DTX4: variants seen among roughly 807,000 people sequenced by gnomAD.
DTX4 encodes the protein E3 ubiquitin-protein ligase DTX4.
Under a neutral mutation model 57.6 loss-of-function variants are expected in DTX4, and 28 were observed. The ratio of observed to expected loss-of-function variants is 0.49; its 90% CI spans 0.36 to 0.67. The LOEUF is 0.67. DTX4 is among the 30% of genes least tolerant of loss of function. The pLI is 0.00. For missense variants in DTX4, 715 were observed against 836.8 expected (o/e 0.85, Z 1.80); for synonymous variants, 316 against 331.0 (o/e 0.95, Z 0.49).
intron 1 of DTX4, among the ~76,000 whole-genome samples, chr11:59,180,205 G>A (rs1354683448): frequency 6.6e-6 from 1 of 152,092 alleles, no homozygotes; most frequent in Non-Finnish European, 1.5e-5. Flanking sequence ...TGGCCCCAAA[G>A]CCCATACTCT....
intron 8 of DTX4, among the ~76,000 whole-genome samples, chr11:59,204,076 T>G (rs1333391191): frequency 6.6e-6 from 1 of 152,230 alleles, no homozygotes; most frequent in Non-Finnish European, 1.5e-5. Context: ...TTAATTTAAC[T>G]GATTTAGAAC....
At chr11:59,196,739 C>T (rs1384065980) in intron 7 of DTX4, among the ~76,000 whole-genome samples, 4 of 152,052 alleles carry the variant, frequency 2.6e-5, no homozygotes, top group African/African-American at 9.7e-5. Flanking sequence ...GTCGTGCACT[C>T]CTTATGAGAA....
chr11:59,191,789 C>T (rs2135521358), intron 5 of DTX4, among the ~76,000 whole-genome samples: 1 of 152,298 alleles, frequency 6.6e-6, no homozygotes, highest in East Asian at 1.9e-4. Context: ...CCTCAGTGGG[C>T]TTGTTGACAG....
In DTX4 at chr11:59,182,044, T is replaced by C; in HGVS notation, c.517T>C (p.Ser173Pro). 1 of 1,613,098 alleles carries C rather than the reference T, an allele frequency of 6.2e-7. No homozygotes were observed. The highest frequency in any genetic ancestry group is 8.5e-7 in the Non-Finnish European group (1 of 1,179,378). ...MVTGTLPKAQ[S>P]WPVSPGPATS... is the part of the protein sequence containing the mutation. ...CACAGGGACCTTGCCTAAGGCTCAG[T>C]CCTGGCCAGTCAGCCCTGGGCCAGC... The change falls in exon 2 of 9, where the codon TCC (serine) becomes CCC (proline). Residue 173 changes from serine to proline, a missense_variant. Transcript: ENST00000227451.
At chr11:59,174,309 T>G (rs1862368085) in intron 1 of DTX4, among the ~76,000 whole-genome samples, 1 of 151,536 alleles carries the variant, frequency 6.6e-6, no homozygotes, top group Non-Finnish European at 1.5e-5. Flanking sequence ...AGAAAGAGGA[T>G]TAAGTGTGGC....
At chr11:59,199,476 G>A (rs1862714329) in intron 7 of DTX4, among the ~76,000 whole-genome samples, 1 of 152,196 alleles carries the variant, frequency 6.6e-6, no homozygotes, top group African/African-American at 2.4e-5. Flanking sequence ...AATGCAGTGG[G>A]AGGTAGCAGC....
At chr11:59,199,615 C>A (rs1276421171) in intron 7 of DTX4, 69 bp from the exon 8 acceptor site, 4 of 1,212,732 alleles carry the variant, frequency 3.3e-6, no homozygotes, top group Non-Finnish European at 4.7e-6. Flanking sequence ...AAATTAGTCA[C>A]AGCCTAACCC....
At chr11:59,190,436 G>T (rs184861778) in intron 4 of DTX4, among the ~76,000 whole-genome samples, 2 of 152,306 alleles carry the variant, frequency 1.3e-5, no homozygotes, top group Admixed American at 1.3e-4. Context: ...AATTAAGGGA[G>T]TGGCCCAAGG....
intron 2 of DTX4, among the ~76,000 whole-genome samples, chr11:59,186,849 C>T (rs1050224173): frequency 2.6e-5 from 4 of 152,210 alleles, no homozygotes; most frequent in Non-Finnish European, 5.9e-5. Flanking sequence ...ATTCAGCTTT[C>T]TCCTCCATCC....
chr11:59,181,672 G>C (rs1565216342), intron 1 of DTX4, 67 bp from the exon 2 acceptor site: 1 of 1,531,280 alleles, frequency 6.5e-7, no homozygotes, highest in Non-Finnish European at 8.8e-7. Flanking sequence ...GGCATGACTT[G>C]TTAATGTCTT....
At chr11:59,192,389 G>A in intron 6 of DTX4, 139 bp downstream of exon 6, 1 of 1,030,350 alleles carries the variant, frequency 9.7e-7, no homozygotes, top group Non-Finnish European at 1.5e-6. Context: ...TGATGATCTT[G>A]GCTGTTCTCA....
In DTX4 at chr11:59,182,177, C is replaced by T; in HGVS notation, c.650C>T (p.Thr217Ile). The T allele has an allele frequency of 3.1e-6, 5 of 1,612,710 alleles. No homozygotes were observed. The highest frequency in any genetic ancestry group is 4.2e-6 in the Non-Finnish European group (5 of 1,179,476). ...GSTGPLQLPV[T>I]RKNMPPPGVV... ...ACTGGGCCCCTACAGCTGCCAGTGA[C>T]CCGCAAGAACATGCCGCCTCCTGGA... Residue 217 changes from threonine to isoleucine, a missense_variant, in exon 2 of 9, where the codon ACC becomes ATC. Thr to Ile is a moderately conservative substitution (Grantham distance 89). Transcript: ENST00000227451.
chr11:59,177,788 C>A (rs1862413542), intron 1 of DTX4, among the ~76,000 whole-genome samples: 1 of 152,170 alleles, frequency 6.6e-6, no homozygotes, highest in Non-Finnish European at 1.5e-5. Flanking sequence ...TTATACGAGT[C>A]CATGCCATTT....
chr11:59,201,308 C>T (rs984918243), intron 8 of DTX4, among the ~76,000 whole-genome samples: 1 of 152,226 alleles, frequency 6.6e-6, no homozygotes, highest in African/African-American at 2.4e-5. Flanking sequence ...ATAGCAATTT[C>T]GTGAGGACAC....
At chr11:59,179,595 G>T (rs1193196070) in intron 1 of DTX4, among the ~76,000 whole-genome samples, 1 of 152,014 alleles carries the variant, frequency 6.6e-6, no homozygotes, top group Admixed American at 6.6e-5. Context: ...TCCCCTCTCT[G>T]CTGAAAGCTG....
In DTX4 at chr11:59,189,199, T is replaced by C; in HGVS notation, c.1035T>C (p.Pro345=). The C allele has an allele frequency of 6.2e-7, 1 of 1,613,768 alleles. No homozygotes were observed. The highest frequency in any genetic ancestry group is 8.5e-7 in the Non-Finnish European group (1 of 1,179,840). ...TGILMSAAGL[P]VCLTRPPKLV... is the part of the protein sequence containing the mutation. ...TCCTCATGAGTGCAGCGGGGCTGCC[T>C]GTGTGTCTCACCAGGCCACCAAAGC... Residue 345 remains proline, a synonymous_variant, in exon 4 of 9, where the codon CCT becomes CCC. Transcript: ENST00000227451.
intron 1 of DTX4, among the ~76,000 whole-genome samples, chr11:59,174,996 C>T (rs1020201860): frequency 6.6e-6 from 1 of 152,210 alleles, no homozygotes. Context: ...CCCAGAAAAG[C>T]TGGGTCTGTC....
At chr11:59,196,735 C>T (rs1862676745) in intron 7 of DTX4, among the ~76,000 whole-genome samples, 1 of 152,046 alleles carries the variant, frequency 6.6e-6, no homozygotes, top group African/African-American at 2.4e-5. Context: ...CTAGGTCGTG[C>T]ACTCCTTATG....
intron 1 of DTX4, among the ~76,000 whole-genome samples, chr11:59,175,688 T>C (rs1023635542): frequency 2.0e-5 from 3 of 152,170 alleles, no homozygotes; most frequent in Admixed American, 6.5e-5. Context: ...TTGTCCTTTT[T>C]CTGTTGTAGG....
Sources: allele counts gnomAD v4.1 joint callset (sites outside exome capture counted in the v4.1 genomes callset), GRCh38; gene constraint gnomAD v4.1.1; transcripts MANE v1.5; gene names NCBI Gene and HGNC (gene_info 2026-07-23, HGNC 2026-07-21).